Variants in CACNA1C observed in about 807,000 individuals in gnomAD.
CACNA1C encodes the protein voltage-dependent L-type calcium channel subunit alpha-1C.
Under a neutral mutation model 229.0 loss-of-function variants are expected in CACNA1C, and 30 were observed. That is an observed-to-expected ratio of 0.13 (90% CI 0.10 to 0.18). The LOEUF is 0.18. Ranked by LOEUF, CACNA1C falls within the 10% of genes least tolerant of loss-of-function variation. CACNA1C has a pLI of 1.00. For synonymous variants in CACNA1C, 1,114 were observed against 1,132.5 expected (o/e 0.98, Z 0.33); for missense variants, 1,658 against 2,845.0 (o/e 0.58, Z 9.49).
chr12:2,423,338 A>T (rs182032863), intron 3 of CACNA1C, among the ~76,000 whole-genome samples: 3 of 152,328 alleles, frequency 2.0e-5, no homozygotes, highest in Admixed American at 6.5e-5. Context: ...ATTAAAGCTA[A>T]GTAAAGGCCA....
At chr12:2,329,319 A>G (rs1157561914) in intron 3 of CACNA1C, among the ~76,000 whole-genome samples, 6 of 152,384 alleles carry the variant, frequency 3.9e-5, no homozygotes, top group South Asian at 2.1e-4. Context: ...TTTCAAACAC[A>G]TGGAACTCTG....
intron 1 of CACNA1C, among the ~76,000 whole-genome samples, chr12:2,039,873 G>A (rs553809919): frequency 2.0e-5 from 3 of 152,224 alleles, no homozygotes; most frequent in East Asian, 1.9e-4. Context: ...TTCCTGTGGG[G>A]CATCATGTCA....
chr12:2,216,234 A>G (rs112130362), intron 3 of CACNA1C, among the ~76,000 whole-genome samples: 7 of 152,288 alleles, frequency 4.6e-5, no homozygotes, highest in African/African-American at 1.7e-4. Context: ...CGGGCACTGG[A>G]TATGGACTGG....
intron 3 of CACNA1C, among the ~76,000 whole-genome samples, chr12:2,252,802 C>T (rs747471847): frequency 2.0e-5 from 3 of 151,748 alleles, no homozygotes; most frequent in Non-Finnish European, 2.9e-5. Flanking sequence ...CTTCCCAAGA[C>T]TTTCTTGGGT....
chr12:2,664,771 C>T, intron 34 of CACNA1C, 54 bp from the exon 35 acceptor site: 4 of 1,465,932 alleles, frequency 2.7e-6, no homozygotes, highest in Non-Finnish European at 3.7e-6. Flanking sequence ...GCAGAGGGCC[C>T]TCCTTGGCAT....
chr12:2,209,975 T>C (rs1217986550), intron 3 of CACNA1C, among the ~76,000 whole-genome samples: 1 of 152,110 alleles, frequency 6.6e-6, no homozygotes, highest in Non-Finnish European at 1.5e-5. Flanking sequence ...TAAAATTCAG[T>C]AACACATGCC....
At chr12:2,153,724 T>C (rs965809683) in intron 3 of CACNA1C, among the ~76,000 whole-genome samples, 18 of 152,224 alleles carry the variant, frequency 1.2e-4, no homozygotes, top group African/African-American at 4.1e-4. Flanking sequence ...GGCAGCCCTC[T>C]TGGGGAAAAG....
chr12:2,485,134 C>T (rs140901836), intron 5 of CACNA1C, among the ~76,000 whole-genome samples: 10 of 152,160 alleles, frequency 6.6e-5, no homozygotes, highest in East Asian at 5.8e-4. Context: ...CTGTGTAGTG[C>T]GACTTGGAGG....
chr12:2,566,532 C>T lies in CACNA1C; in HGVS notation c.1619C>T (p.Thr540Ile). 6.3e-7 allele frequency: 1 copy of T among 1,597,648 alleles called. No homozygotes were observed. The highest frequency in any genetic ancestry group is 8.5e-7 in the Non-Finnish European group (1 of 1,172,316). Residue 540 changes from threonine (T) to isoleucine (I), a missense_variant, in exon 12 of 47, where the codon ACC becomes ATC. Thr to Ile is a moderately conservative substitution (Grantham distance 89, BLOSUM62 -1). Transcript: ENST00000399655. The surrounding 1 kb of genome is among the most constrained non-coding windows in gnomAD (Gnocchi z 4.0). ...TTCCTGGTGTTCCTCAACACGCTCACCATTGCCTCTGAGCACTACAACCAG... is the reference window on the plus strand; with the variant it reads ...TTCCTGGTGTTCCTCAACACGCTCATCATTGCCTCTGAGCACTACAACCAG... ...VIFLVFLNTL[T>I]IASEHYNQPN... is the part of the protein sequence containing the mutation.
At position 2,504,300 on chromosome 12, in the gene CACNA1C, G is replaced by A. The variant is rs2099766855; in HGVS notation, c.1114-542G>A. Reference sequence around the variant, plus strand: ...ACATGGGCGATGCCCTGGGTAACACGGGTAACCTGGTGCACATGAACAAAG... The same window carrying A: ...ACATGGGCGATGCCCTGGGTAACACAGGTAACCTGGTGCACATGAACAAAG... On this transcript the variant is annotated intron_variant, in intron 7 of 46. Transcript: ENST00000399655. This position sits in a 1 kb window ranked among gnomAD's most constrained non-coding sequence, Gnocchi z 6.8. The A allele has an allele frequency of 1.6e-6, 1 of 627,596 alleles. No homozygotes were observed. Among genetic ancestry groups the A allele is most frequent in the Non-Finnish European group, 2.9e-6 (1 of 344,212 alleles). 38.9% of individuals were successfully genotyped at this position (627,596 alleles called of 1,614,324 possible). A position where few individuals can be genotyped will look rare whatever the true frequency, so the allele number is the denominator to read the frequency against.
In CACNA1C at chr12:2,354,726, T is replaced by C. The variant is rs573053259; in HGVS notation, c.478-94250T>C. Among the ~76,000 whole-genome samples the C allele has an allele frequency of 2.0e-5, 3 of 152,312 alleles. No homozygotes were observed. The South Asian group carries it at 6.2e-4, about 32-fold the overall frequency. On this transcript the variant is annotated intron_variant, in intron 3 of 46. Transcript: ENST00000399655. This position sits in a 1 kb window ranked among gnomAD's most constrained non-coding sequence, Gnocchi z 4.6. ...CTGAGCATGGCAAGAGAATCCTGCA[T>C]GTCACTTGGGCCTGACACCTGCTTT...
At chr12:2,350,803 C>A (rs779153884) in intron 3 of CACNA1C, among the ~76,000 whole-genome samples, 2 of 152,242 alleles carry the variant, frequency 1.3e-5, no homozygotes, top group East Asian at 3.9e-4. Context: ...TCGCAGGACA[C>A]CAGAGTCTTC....
chr12:2,392,975 GT>G (rs1289266485), intron 3 of CACNA1C, among the ~76,000 whole-genome samples: 2 of 152,066 alleles, frequency 1.3e-5, no homozygotes, highest in Non-Finnish European at 2.9e-5. Context: ...TGTGTAGACT[GT>G]TGACTACTGT....
At chr12:2,338,889 G>T (rs1341709442) in intron 3 of CACNA1C, among the ~76,000 whole-genome samples, 1 of 152,100 alleles carries the variant, frequency 6.6e-6, no homozygotes, top group African/African-American at 2.4e-5. Flanking sequence ...ATGCTAAACA[G>T]GTTTAACAGG....
chr12:2,640,496 G>C (rs1050533255), intron 30 of CACNA1C, among the ~76,000 whole-genome samples: 1 of 152,216 alleles, frequency 6.6e-6, no homozygotes, highest in African/African-American at 2.4e-5. Flanking sequence ...ACCCGGATCC[G>C]TGTCTCTGGT....
intron 29 of CACNA1C, 54 bp downstream of exon 29, chr12:2,612,067 G>A: frequency 9.4e-7 from 1 of 1,062,242 alleles, no homozygotes; most frequent in Non-Finnish European, 1.5e-6. Context: ...GGACAGAACG[G>A]GGAGGTGGGG....
intron 9 of CACNA1C, among the ~76,000 whole-genome samples, chr12:2,543,408 C>T (rs1256395515): frequency 1.3e-5 from 2 of 152,228 alleles, no homozygotes; most frequent in East Asian, 3.8e-4. Flanking sequence ...ATCTCATCCA[C>T]TGAATAAGTA....
At chr12:2,503,494 C>T (rs2099765079) in intron 7 of CACNA1C, among the ~76,000 whole-genome samples, 2 of 152,196 alleles carry the variant, frequency 1.3e-5, no homozygotes, top group African/African-American at 4.8e-5. Flanking sequence ...TCACGTCCAC[C>T]CTCCAGCCAG....
At chr12:2,294,864 G>A (rs1189392143) in intron 3 of CACNA1C, among the ~76,000 whole-genome samples, 1 of 152,122 alleles carries the variant, frequency 6.6e-6, no homozygotes, top group Non-Finnish European at 1.5e-5. Flanking sequence ...GGTGGTCTCC[G>A]TCTGTGTGCA....
Sources: gnomAD v4.1 joint callset for allele counts (sites outside exome capture counted in the v4.1 genomes callset) on GRCh38, gnomAD v4.1.1 for gene constraint, Gnocchi (gnomAD v3.1) non-coding constraint, MANE v1.5 for transcripts, NCBI Gene and HGNC (gene_info 2026-07-23, HGNC 2026-07-21) for gene names.